IMMP2L: variants seen among roughly 807,000 people sequenced by gnomAD.
The protein encoded by IMMP2L is inner mitochondrial membrane peptidase subunit 2, also known as mitochondrial inner membrane protease subunit 2.
In IMMP2L, 18 loss-of-function variants were observed where a neutral mutation model predicts 19.3. The ratio of observed to expected loss-of-function variants is 0.93; its 90% CI spans 0.64 to 1.38. The LOEUF (loss-of-function observed/expected upper bound fraction) is 1.38, where lower values mean the gene tolerates loss of function less well. Ranked by LOEUF, IMMP2L falls within the 40% of genes most tolerant of loss-of-function variation. The pLI is 0.00. For synonymous variants in IMMP2L, 76 were observed against 73.0 expected, an observed-to-expected ratio of 1.04 and a Z score of -0.21; for missense variants, 233 against 218.2, an observed-to-expected ratio of 1.07 and a Z score of -0.43.
chr7:111,433,655 G>A (rs1235499974), intron 3 of IMMP2L, among the ~76,000 whole-genome samples: 5 of 151,456 alleles, frequency 3.3e-5, no homozygotes, highest in African/African-American at 4.9e-5. Flanking sequence ...CAGACCCCAC[G>A]ATTCAATTAG....
chr7:111,187,964 G>T (rs7811996), intron 3 of IMMP2L, among the ~76,000 whole-genome samples: 120,151 of 150,066 alleles, frequency 0.8, 48,522 homozygotes, highest in Non-Finnish European at 0.86. Context: ...TGGATTTTTT[G>T]TTTTTTAAAG....
chr7:111,499,033 C>G (rs1843877811), intron 2 of IMMP2L, among the ~76,000 whole-genome samples: 1 of 152,130 alleles, frequency 6.6e-6, no homozygotes, highest in Non-Finnish European at 1.5e-5. Flanking sequence ...AAACAAAAAT[C>G]ATTTATTGGT....
chr7:111,533,855 A>C (rs1847627179), intron 1 of IMMP2L, among the ~76,000 whole-genome samples: 1 of 152,090 alleles, frequency 6.6e-6, no homozygotes, highest in African/African-American at 2.4e-5. Flanking sequence ...GATAGATTTC[A>C]CTACATAAAA....
chr7:111,195,420 G>T (rs1009716357), intron 3 of IMMP2L, among the ~76,000 whole-genome samples: 1 of 151,570 alleles, frequency 6.6e-6, no homozygotes, highest in African/African-American at 2.4e-5. Context: ...ATATAAACTT[G>T]CAAGGAATAA....
chr7:111,397,341 T>C (rs1306245445), intron 3 of IMMP2L, among the ~76,000 whole-genome samples: 6 of 152,150 alleles, frequency 3.9e-5, no homozygotes, highest in Admixed American at 1.3e-4. Flanking sequence ...ATTCCATCAT[T>C]TGTAAATATT....
Position 110,935,031 on chromosome 7 carries a change from C to A in IMMP2L, c.305+28469G>T, listed in dbSNP as rs1453156936. The stretch of plus-strand genomic sequence containing the variant: ...AATATTTTTATGTGTGAATTTGATC[C>A]TGTCATTATGATAATAGCTGGTTAT... On this transcript the variant is annotated intron_variant, in intron 4 of 5. Transcript: ENST00000405709. 2.0e-5 allele frequency among the ~76,000 whole-genome samples: 3 copies of A among 152,104 alleles called. No individual in the cohort carries two copies. The South Asian group carries it at 6.2e-4, about 32-fold the overall frequency.
At chr7:111,172,382 T>C (rs1806542627) in intron 3 of IMMP2L, among the ~76,000 whole-genome samples, 1 of 151,522 alleles carries the variant, frequency 6.6e-6, no homozygotes, top group Non-Finnish European at 1.5e-5. Context: ...ATAATAATTA[T>C]ATACATTCAT....
chr7:111,026,013 A>AACAC (rs144001447), intron 3 of IMMP2L, among the ~76,000 whole-genome samples: 73 of 148,626 alleles, frequency 4.9e-4, no homozygotes, highest in East Asian at 2.2e-3. Flanking sequence ...GCTAATATTA[A>AACAC]ACACACACAC....
rs555802645 is a variant in IMMP2L at position 111,076,678 on chromosome 7, A to C, written c.240-113113T>G. ...CATAGGGAATCCCTCTGTCCACATA[A>C]TAGTGTGGTCAATTTGCTGTGGCAC... On this transcript the variant is annotated intron_variant, in intron 3 of 5. Transcript: ENST00000405709. Among the ~76,000 whole-genome samples, 34 of 152,272 alleles carry C rather than the reference A, an allele frequency of 2.2e-4. No individual in the cohort carries two copies. In the South Asian group the frequency reaches 6.4e-3, roughly 29 times the overall value.
intron 3 of IMMP2L, among the ~76,000 whole-genome samples, chr7:111,207,128 T>G (rs1810797208): frequency 6.6e-6 from 1 of 152,218 alleles, no homozygotes. Flanking sequence ...AAATCAGCAT[T>G]AAGATACTGC....
chr7:111,465,003 A>G (rs2132042147), intron 3 of IMMP2L, among the ~76,000 whole-genome samples: 1 of 152,224 alleles, frequency 6.6e-6, no homozygotes, highest in South Asian at 2.1e-4. Context: ...CGTGTTAGCC[A>G]GGATGGTCTC....
intron 5 of IMMP2L, among the ~76,000 whole-genome samples, chr7:110,714,080 T>C (rs868238716): frequency 1.3e-5 from 2 of 152,206 alleles, no homozygotes; most frequent in East Asian, 3.9e-4. Flanking sequence ...AGATGGCTCA[T>C]ATTATTTTGA....
chr7:111,477,617 G>A (rs1032370578), intron 3 of IMMP2L, among the ~76,000 whole-genome samples: 4 of 151,708 alleles, frequency 2.6e-5, no homozygotes, highest in African/African-American at 4.8e-5. Flanking sequence ...GACTTTTATC[G>A]GCCGGACACA....
At chr7:110,871,273 G>C (rs1025463054) in intron 5 of IMMP2L, among the ~76,000 whole-genome samples, 5 of 152,006 alleles carry the variant, frequency 3.3e-5, no homozygotes, top group African/African-American at 1.2e-4. Context: ...ATACCATCTG[G>C]AGATACGAAT....
intron 3 of IMMP2L, among the ~76,000 whole-genome samples, chr7:111,307,610 TTA>T (rs1046663243): frequency 3.3e-5 from 5 of 151,646 alleles, no homozygotes; most frequent in African/African-American, 7.2e-5. Context: ...TACATACATT[TTA>T]TATATATAGT....
intron 4 of IMMP2L, among the ~76,000 whole-genome samples, chr7:110,909,347 G>A (rs892907953): frequency 1.3e-5 from 2 of 152,050 alleles, no homozygotes; most frequent in African/African-American, 4.8e-5. Flanking sequence ...CTTATTCTGC[G>A]ACAAGAGACA....
chr7:110,931,560 G>A (rs114067464), intron 4 of IMMP2L, among the ~76,000 whole-genome samples: 2,273 of 152,136 alleles, frequency 0.015, 60 homozygotes, highest in African/African-American at 0.052. Context: ...GTTCTTCAGA[G>A]CATATCCAGA....
intron 3 of IMMP2L, among the ~76,000 whole-genome samples, chr7:111,155,298 C>T (rs1453571257): frequency 6.6e-6 from 1 of 152,032 alleles, no homozygotes; most frequent in African/African-American, 2.4e-5. Context: ...ACCAGAGCAG[C>T]AACAAAGCTG....
chr7:110,996,549 C>T (rs1043238356), intron 3 of IMMP2L, among the ~76,000 whole-genome samples: 1 of 151,984 alleles, frequency 6.6e-6, no homozygotes, highest in Admixed American at 6.6e-5. Flanking sequence ...CTGGGTAGAC[C>T]CTGCCTTGTG....
Sources: allele counts gnomAD v4.1 joint callset (sites outside exome capture counted in the v4.1 genomes callset), GRCh38; gene constraint gnomAD v4.1.1; transcripts MANE v1.5; gene names NCBI Gene and HGNC (gene_info 2026-07-23, HGNC 2026-07-21).